The following LRIG1 variants were observed in gnomAD, a reference collection of about 807,000 sequenced individuals.
The protein encoded by LRIG1 is leucine rich repeats and immunoglobulin like domains 1.
LRIG1 carries 48 observed loss-of-function variants against 99.2 expected under a neutral mutation model. The observed-to-expected ratio is 0.48, with a 90% CI of 0.38 to 0.62. The LOEUF (loss-of-function observed/expected upper bound fraction) is 0.62. Ranked by LOEUF, LRIG1 falls within the 20% of genes least tolerant of loss-of-function variation. The probability of loss-of-function intolerance (pLI) is 0.00; values close to 1 mark genes in which losing one functional copy is unlikely to be tolerated. For synonymous variants in LRIG1, 772 were observed against 596.1 expected, an observed-to-expected ratio of 1.29 and a Z score of -4.30; for missense variants, 1,646 against 1,434.4, an observed-to-expected ratio of 1.15 and a Z score of -2.38.
chr3:66,433,868 A>G (rs555143111), intron 3 of LRIG1, among the ~76,000 whole-genome samples: 16 of 152,338 alleles, frequency 1.1e-4, no homozygotes, highest in African/African-American at 3.1e-4. Flanking sequence ...CTGGGGTCCT[A>G]TGAGAAGCAA....
intron 8 of LRIG1, chr3:66,406,321 C>T: frequency 1.0e-6 from 1 of 985,620 alleles, no homozygotes; most frequent in Non-Finnish European, 1.2e-6. Flanking sequence ...CTTTGTGTGC[C>T]TGTCTCTCTG....
At position 66,447,952 on chromosome 3, in the gene LRIG1, A is replaced by G. The variant is rs557181343; in HGVS notation, c.365+3607T>C. On this transcript the variant is annotated intron_variant, in intron 3 of 18. Transcript: ENST00000273261. Reference sequence around the variant, plus strand: ...TGGCAGCTTCTGCCCCCATTTAACAAAAGTCTGTTTCTTTTTCTCGGCACT... The same window carrying G: ...TGGCAGCTTCTGCCCCCATTTAACAGAAGTCTGTTTCTTTTTCTCGGCACT... Among the ~76,000 whole-genome samples the G allele has an allele frequency of 3.1e-4, 47 of 152,304 alleles. No individual in the cohort carries two copies. The South Asian group carries it at 6.2e-3, about 20-fold the overall frequency.
chr3:66,390,807 T>A (rs1299215034), intron 12 of LRIG1, among the ~76,000 whole-genome samples: 3 of 151,986 alleles, frequency 2.0e-5, no homozygotes, highest in Non-Finnish European at 2.9e-5. Flanking sequence ...AAAGAAAAAA[T>A]AGAGATATTG....
rs1240618865 is a variant in LRIG1, at chr3:66,410,272, C to T, written c.792G>A (p.Leu264=). The T allele has an allele frequency of 2.5e-6, 4 of 1,602,386 alleles. No individual in the cohort carries two copies. The highest frequency in any genetic ancestry group is 2.6e-6 in the Non-Finnish European group (3 of 1,174,610). ...CTACCAGGCTGTTGTACTCCAGGTG[C>T]CTGCAATGACAGCCATGCACAGGAT... ...AFWGLSKMHV[L]HLEYNSLVEV... Residue 264 remains leucine, a splice_region_variant and synonymous_variant, in exon 7 of 19, where the codon CTG becomes CTA. Transcript: ENST00000273261.
chr3:66,443,072 G>T (rs534589927), intron 3 of LRIG1, among the ~76,000 whole-genome samples: 13 of 152,172 alleles, frequency 8.5e-5, no homozygotes, highest in Non-Finnish European at 1.8e-4. Flanking sequence ...CCCAGCGAAA[G>T]GCTTGCTTAG....
At chr3:66,409,400 C>CGCTA (rs1299800723) in intron 7 of LRIG1, among the ~76,000 whole-genome samples, 1 of 152,212 alleles carries the variant, frequency 6.6e-6, no homozygotes, top group Non-Finnish European at 1.5e-5. Flanking sequence ...CACTGCCCAT[C>CGCTA]GCTACCCAGG....
chr3:66,382,741 G>A (rs1701154557), intron 15 of LRIG1, among the ~76,000 whole-genome samples: 1 of 152,192 alleles, frequency 6.6e-6, no homozygotes, highest in Admixed American at 6.5e-5. Flanking sequence ...GCAAGGAGAG[G>A]GAAAACTGCA....
intron 3 of LRIG1, among the ~76,000 whole-genome samples, chr3:66,433,345 T>C (rs561686133): frequency 1.3e-5 from 2 of 152,354 alleles, no homozygotes; most frequent in South Asian, 4.1e-4. Context: ...CCTGCGGCTA[T>C]GAAGACAGAG....
rs1329726149 is a variant in LRIG1, at chr3:66,412,911, T to A, written c.751A>T (p.Thr251Ser). ...GACAGTCCCCAGAAGGCCCCATCTG[T>A]CAGTTTGCTGATGTTGTTTCGCTGA... ...KLQRNNISKLTDGAFWGLSKM... is the reference protein window; with the variant it reads ...KLQRNNISKLSDGAFWGLSKM... Residue 251 changes from threonine (T) to serine (S), a missense_variant, in exon 6 of 19, where the codon ACA (threonine) becomes TCA (serine). Coordinates refer to ENST00000273261, the MANE Select transcript of LRIG1 (RefSeq NM_015541.3). The A allele has an allele frequency of 1.2e-6, 2 of 1,614,060 alleles. No individual in the cohort carries two copies. The highest frequency in any genetic ancestry group is 1.7e-6 in the Non-Finnish European group (2 of 1,180,026).
At chr3:66,438,344 T>G (rs1214226797) in intron 3 of LRIG1, among the ~76,000 whole-genome samples, 1 of 152,134 alleles carries the variant, frequency 6.6e-6, no homozygotes, top group African/African-American at 2.4e-5. Flanking sequence ...ACAGCAGTTC[T>G]CAACTAGGGA....
chr3:66,384,318 G>A (rs1359157213), intron 13 of LRIG1, 46 bp from the exon 14 acceptor site: 9 of 1,572,076 alleles, frequency 5.7e-6, no homozygotes, highest in Non-Finnish European at 7.8e-6. Flanking sequence ...ACAGCTAGAT[G>A]CAAAACCAGG....
At chr3:66,402,050 G>A (rs1442790788) in intron 9 of LRIG1, among the ~76,000 whole-genome samples, 3 of 152,108 alleles carry the variant, frequency 2.0e-5, no homozygotes, top group African/African-American at 7.2e-5. Flanking sequence ...GATGGAGGCT[G>A]CGCTCACATC....
intron 9 of LRIG1, chr3:66,401,483 T>C (rs12494912): frequency 0.22 from 120,471 of 551,286 alleles, 14,087 homozygotes; most frequent in Admixed American, 0.3. Flanking sequence ...ATTAGTCACA[T>C]TGACCTGTTT....
At chr3:66,382,141 T>C (rs1270459144) in intron 16 of LRIG1, 132 bp downstream of exon 16, 78 of 1,015,248 alleles carry the variant, frequency 7.7e-5, no homozygotes, top group Non-Finnish European at 1.1e-4. Flanking sequence ...CCCTTAGTCA[T>C]ACCGCCTTCT....
intron 1 of LRIG1, among the ~76,000 whole-genome samples, chr3:66,467,912 G>A (rs1700512058): frequency 6.6e-6 from 1 of 152,208 alleles, no homozygotes; most frequent in African/African-American, 2.4e-5. Flanking sequence ...CGAGAACTAT[G>A]TAAAAGGCTG....
Position 66,383,271 on chromosome 3 carries a change from G to C in LRIG1, c.2202C>G (p.Ser734Arg). The change falls in exon 15 of 19, where the codon AGC becomes AGG. Residue 734 changes from serine (S) to arginine (R), a missense_variant. Coordinates refer to ENST00000273261, the MANE Select transcript of LRIG1 (RefSeq NM_015541.3). Reference protein sequence around the residue: ...ITWFKGDRPLSLTERHHLTPD... With the variant: ...ITWFKGDRPLRLTERHHLTPD... ...GGGTCAAGTGGTGCCGCTCAGTGAG[G>C]CTCAGCGGGCGGTCCCCCTTGAACC... 6.2e-7 allele frequency: 1 copy of C among 1,613,982 alleles called. No individual in the cohort carries two copies. The highest frequency in any genetic ancestry group is 1.1e-5 in the South Asian group (1 of 91,080).
At chr3:66,416,779 A>G (rs1022248370) in intron 4 of LRIG1, among the ~76,000 whole-genome samples, 15 of 152,202 alleles carry the variant, frequency 9.9e-5, no homozygotes, top group African/African-American at 2.9e-4. Context: ...CTCCTCTGGA[A>G]GCATTTCTGA....
intron 5 of LRIG1, 109 bp from the exon 6 acceptor site, chr3:66,413,123 G>T: frequency 7.7e-7 from 1 of 1,293,262 alleles, no homozygotes; most frequent in Non-Finnish European, 1.1e-6. Context: ...AAATCCCAGT[G>T]CAGGGATCCC....
Position 66,382,295 on chromosome 3 carries a change from G to A in LRIG1, c.2595C>T (p.Ala865=), listed in dbSNP as rs1232472149. The A allele has an allele frequency of 5.6e-6, 9 of 1,614,136 alleles. No individual in the cohort carries two copies. Among genetic ancestry groups the A allele is most frequent in the Admixed American group, 1.7e-5 (1 of 60,020 alleles). Reference sequence around the variant, plus strand: ...TACCATTGCTCTCAATGTGCCCATTGGCCTGAGGGCCACCCTCGGTCCTGA... The same window carrying A: ...TACCATTGCTCTCAATGTGCCCATTAGCCTGAGGGCCACCCTCGGTCCTGA... ...TVVRTEGGPQ[A]NGHIESNGVC... Residue 865 remains alanine (A), a synonymous_variant, in exon 16 of 19, where the codon GCC becomes GCT. Coordinates refer to ENST00000273261, the MANE Select transcript of LRIG1 (RefSeq NM_015541.3).
Sources: allele counts gnomAD v4.1 joint callset (sites outside exome capture counted in the v4.1 genomes callset), GRCh38; gene constraint gnomAD v4.1.1; transcripts MANE v1.5; gene names NCBI Gene and HGNC (gene_info 2026-07-23, HGNC 2026-07-21).